The following APBB1IP variants were observed in gnomAD, a reference collection of about 807,000 sequenced individuals.
APBB1IP encodes amyloid beta precursor protein binding family B member 1 interacting protein, also known as amyloid beta A4 precursor protein-binding family B member 1-interacting protein.
APBB1IP carries 27 observed loss-of-function variants against 64.9 expected under a neutral mutation model. The ratio of observed to expected loss-of-function variants is 0.42; its 90% CI spans 0.31 to 0.57. APBB1IP has a LOEUF of 0.57. APBB1IP is among the 20% of genes least tolerant of loss of function. APBB1IP has a pLI of 0.20. For synonymous variants in APBB1IP, 392 were observed against 331.0 expected, an observed-to-expected ratio of 1.18 and a Z score of -2.00; for missense variants, 812 against 845.5, an observed-to-expected ratio of 0.96 and a Z score of 0.49.
At chr10:26,549,658 A>T (rs919300948) in intron 11 of APBB1IP, among the ~76,000 whole-genome samples, 2 of 151,566 alleles carry the variant, frequency 1.3e-5, no homozygotes, top group African/African-American at 2.4e-5. Flanking sequence ...ATCAGTTGTA[A>T]TGTCTTTCTT....
chr10:26,507,774 G>A (rs1251541894), intron 6 of APBB1IP, among the ~76,000 whole-genome samples: 1 of 152,122 alleles, frequency 6.6e-6, no homozygotes, highest in African/African-American at 2.4e-5. Context: ...TTTCAGAAGG[G>A]GAAATGAAAA....
intron 11 of APBB1IP, among the ~76,000 whole-genome samples, chr10:26,555,478 A>G (rs979343621): frequency 6.6e-6 from 1 of 152,196 alleles, no homozygotes; most frequent in Admixed American, 6.5e-5. Context: ...GGAACATACT[A>G]TTTCATAATC....
At chr10:26,506,347 A>G (rs1302532994) in intron 6 of APBB1IP, among the ~76,000 whole-genome samples, 1 of 151,600 alleles carries the variant, frequency 6.6e-6, no homozygotes, top group Non-Finnish European at 1.5e-5. Flanking sequence ...TCCTGGGCTC[A>G]AGTGATCCTC....
chr10:26,560,016 T>C (rs180800810), intron 11 of APBB1IP, 89 bp from the exon 12 acceptor site: 1 of 1,067,414 alleles, frequency 9.4e-7, no homozygotes, highest in African/African-American at 1.6e-5. Context: ...CATATATTGT[T>C]AGAGATTTTT....
intron 7 of APBB1IP, among the ~76,000 whole-genome samples, chr10:26,512,462 TC>T (rs1836273365): frequency 6.6e-6 from 1 of 152,120 alleles, no homozygotes; most frequent in South Asian, 2.1e-4. Context: ...CATTTCCCCT[TC>T]CTCCCTCCCC....
At chr10:26,470,492 T>C (rs1398505331) in intron 2 of APBB1IP, among the ~76,000 whole-genome samples, 1 of 152,140 alleles carries the variant, frequency 6.6e-6, no homozygotes. Context: ...TGAGCCAAGA[T>C]CGTGCCACTG....
At chr10:26,517,681 C>T (rs1282034414) in intron 8 of APBB1IP, among the ~76,000 whole-genome samples, 1 of 152,230 alleles carries the variant, frequency 6.6e-6, no homozygotes, top group Non-Finnish European at 1.5e-5. Flanking sequence ...TTTGCTTTGG[C>T]TCAACTCTCA....
At chr10:26,513,500 G>A (rs775507164) in intron 7 of APBB1IP, 39 bp from the exon 8 acceptor site, 1 of 1,607,670 alleles carries the variant, frequency 6.2e-7, no homozygotes, top group Non-Finnish European at 8.5e-7. Context: ...AAACCCTGAT[G>A]TCTTGGGTCT....
chr10:26,503,005 C>T (rs1448565551), intron 5 of APBB1IP, among the ~76,000 whole-genome samples, 192 bp from the exon 6 acceptor site: 1 of 152,010 alleles, frequency 6.6e-6, no homozygotes, highest in African/African-American at 2.4e-5. Flanking sequence ...TAATGGATAC[C>T]CCATTTATCC....
intron 8 of APBB1IP, among the ~76,000 whole-genome samples, chr10:26,532,771 T>C (rs1477003687): frequency 1.3e-5 from 2 of 152,192 alleles, no homozygotes; most frequent in African/African-American, 4.8e-5. Context: ...ATTATGGGCA[T>C]GAGCCACACC....
In APBB1IP at chr10:26,503,238, G is replaced by A. The variant is rs768828226; in HGVS notation, c.495G>A (p.Leu165=). 1 of 1,614,086 alleles carries A rather than the reference G, an allele frequency of 6.2e-7. No homozygotes were observed. The highest frequency in any genetic ancestry group is 2.2e-5 in the East Asian group (1 of 44,874). ...EAQAKADKIK[L]ALEKLKEAKV... Reference sequence around the variant, plus strand: ...AAGCCAAGGCTGATAAAATTAAGCTGGCGCTGGAAAAACTGAAGGAGGCCA... The same window carrying A: ...AAGCCAAGGCTGATAAAATTAAGCTAGCGCTGGAAAAACTGAAGGAGGCCA... The change falls in exon 6 of 15, where the codon CTG becomes CTA. Residue 165 remains leucine (L), a synonymous_variant. Coordinates refer to ENST00000376236, the MANE Select transcript of APBB1IP (RefSeq NM_019043.4).
At chr10:26,539,408 A>G (rs564507461) in intron 10 of APBB1IP, among the ~76,000 whole-genome samples, 1 of 25,286 alleles carries the variant, frequency 4.0e-5, no homozygotes, top group South Asian at 9.7e-4. Flanking sequence ...TGAGATCCTG[A>G]AAAAAAAAAA....
Position 26,567,531 on chromosome 10 carries a change from C to T in APBB1IP, c.*43C>T, listed in dbSNP as rs1837072878. 1.1e-5 allele frequency: 17 copies of T among 1,521,158 alleles called. No individual in the cohort carries two copies. The East Asian group carries it at 4.5e-4, about 40-fold the overall frequency. 94.2% of individuals were successfully genotyped at this position (1,521,158 alleles called of 1,614,324 possible). A position where few individuals can be genotyped will look rare whatever the true frequency, so the allele number is the denominator to read the frequency against. On this transcript the variant is annotated 3_prime_UTR_variant, in exon 15 of 15. Coordinates refer to ENST00000376236, the MANE Select transcript of APBB1IP (RefSeq NM_019043.4). ...GTTCCAGAGGGAGAAGCATCGCTGA[C>T]CCCGAGCGCAGGTTTTGCTAGCAGA...
intron 9 of APBB1IP, among the ~76,000 whole-genome samples, chr10:26,534,710 C>T (rs1836598774): frequency 6.6e-6 from 1 of 152,216 alleles, no homozygotes; most frequent in Non-Finnish European, 1.5e-5. Context: ...TCAGGTGTTG[C>T]AGGTTCTGGT....
At chr10:26,498,005 G>T (rs1588587791) in intron 4 of APBB1IP, among the ~76,000 whole-genome samples, 1 of 152,138 alleles carries the variant, frequency 6.6e-6, no homozygotes. Flanking sequence ...GGAATTACAG[G>T]TGTGAGCCAT....
intron 3 of APBB1IP, among the ~76,000 whole-genome samples, chr10:26,494,967 G>C (rs1836001825): frequency 6.6e-6 from 1 of 151,842 alleles, no homozygotes; most frequent in African/African-American, 2.4e-5. Flanking sequence ...CTGGTTAAAA[G>C]GTGTTAGGAT....
rs919062128 is a variant in APBB1IP, at chr10:26,567,359, C to T, written c.1872C>T (p.Ala624=). 4 of 1,526,952 alleles carry T rather than the reference C, an allele frequency of 2.6e-6. No individual in the cohort carries two copies. The African/African-American group carries it at 5.6e-5, about 21-fold the overall frequency. 94.6% of individuals were successfully genotyped at this position (1,526,952 alleles called of 1,614,324 possible). The change falls in exon 15 of 15, where the codon GCC becomes GCT. Residue 624 remains alanine, a synonymous_variant. Coordinates refer to ENST00000376236, the MANE Select transcript of APBB1IP (RefSeq NM_019043.4). Reference sequence around the variant, plus strand: ...CCGCCAGGCCGCCCCCCGCGGTGGCCAAGAGGCCTCCTGTGCCCCCCAAGA... The same window carrying T: ...CCGCCAGGCCGCCCCCCGCGGTGGCTAAGAGGCCTCCTGTGCCCCCCAAGA... ...PDSARPPPAV[A]KRPPVPPKRQ...
At chr10:26,564,265 A>T (rs1837011059) in intron 14 of APBB1IP, among the ~76,000 whole-genome samples, 1 of 152,020 alleles carries the variant, frequency 6.6e-6, no homozygotes, top group African/African-American at 2.4e-5. Flanking sequence ...CTGCCTGGGG[A>T]TGTTTCATTA....
At chr10:26,542,912 C>T (rs1836714088) in intron 11 of APBB1IP, among the ~76,000 whole-genome samples, 1 of 149,908 alleles carries the variant, frequency 6.7e-6, no homozygotes, top group Non-Finnish European at 1.5e-5. Context: ...TTGGCGAACC[C>T]TAAAAACATT....
Sources: allele counts gnomAD v4.1 joint callset (sites outside exome capture counted in the v4.1 genomes callset), GRCh38; gene constraint gnomAD v4.1.1; transcripts MANE v1.5; gene names NCBI Gene and HGNC (gene_info 2026-07-23, HGNC 2026-07-21).